Variants in ADK observed in about 807,000 individuals in gnomAD.
ADK encodes the protein adenosine kinase.
ADK carries 24 observed loss-of-function variants against 44.7 expected under a neutral mutation model. That is an observed-to-expected ratio of 0.54 (90% CI 0.39 to 0.76). The LOEUF is 0.76. Among genes scored for constraint, ADK ranks in the 30% least tolerant of loss-of-function variants. The pLI is 0.00. For missense variants in ADK, 321 were observed against 425.1 expected, an observed-to-expected ratio of 0.76 and a Z score of 2.15; for synonymous variants, 128 against 142.6, an observed-to-expected ratio of 0.90 and a Z score of 0.73.
chr10:74,383,316 T>C (rs900615490), intron 4 of ADK, among the ~76,000 whole-genome samples: 2 of 152,100 alleles, frequency 1.3e-5, no homozygotes, highest in African/African-American at 4.8e-5. Context: ...AGTAAGAGAT[T>C]ATAAGCATTT....
intron 9 of ADK, among the ~76,000 whole-genome samples, chr10:74,666,342 C>G (rs529991826): frequency 6.6e-6 from 1 of 152,216 alleles, no homozygotes; most frequent in Non-Finnish European, 1.5e-5. Flanking sequence ...CAAGTCTTAT[C>G]TAATAAATGA....
At chr10:74,566,325 GC>G (rs1850667877) in intron 7 of ADK, among the ~76,000 whole-genome samples, 1 of 147,622 alleles carries the variant, frequency 6.8e-6, no homozygotes, top group African/African-American at 2.5e-5. Flanking sequence ...TCCCACCTCA[GC>G]CTCCTGAGTA....
chr10:74,172,027 G>C (rs1224340424), intron 1 of ADK, among the ~76,000 whole-genome samples: 2 of 151,592 alleles, frequency 1.3e-5, no homozygotes, highest in African/African-American at 4.8e-5. Context: ...TTTTGTGTTT[G>C]TAACTGCTGA....
At chr10:74,260,052 T>C (rs1301738795) in intron 3 of ADK, among the ~76,000 whole-genome samples, 2 of 151,504 alleles carry the variant, frequency 1.3e-5, no homozygotes, top group Non-Finnish European at 2.9e-5. Context: ...GCTTTGGCCA[T>C]TTAAAAAAAA....
intron 6 of ADK, among the ~76,000 whole-genome samples, chr10:74,422,710 AC>A (rs1297107328): frequency 6.6e-6 from 1 of 152,246 alleles, no homozygotes; most frequent in Non-Finnish European, 1.5e-5. Flanking sequence ...AAGAAAACAT[AC>A]AATATAAAAT....
chr10:74,405,713 G>A lies in ADK; in HGVS notation c.555+7134G>A, dbSNP rs75320032. ...CATCCTGAAACCACGCCTCCTACCC[G>A]TCCGTGGAAAAATTGTCTTCCACAA... On this transcript the variant is annotated intron_variant, in intron 6 of 10. Transcript: ENST00000539909. 5.2e-3 allele frequency among the ~76,000 whole-genome samples: 789 copies of A among 152,122 alleles called. 12 individuals are homozygous for A. The highest frequency in any genetic ancestry group is 0.018 in the African/African-American group (727 of 41,512).
chr10:74,256,186 G>A (rs1230307284), intron 3 of ADK, among the ~76,000 whole-genome samples: 1 of 152,212 alleles, frequency 6.6e-6, no homozygotes, highest in African/African-American at 2.4e-5. Flanking sequence ...CTCCCTTGGA[G>A]CATTTTGTAA....
chr10:74,331,883 C>T (rs4506580), intron 4 of ADK, among the ~76,000 whole-genome samples: 1,533 of 152,202 alleles, frequency 0.01, 91 homozygotes, highest in Admixed American at 0.09. Flanking sequence ...GACAAAGTCA[C>T]GCTTTGTCAC....
chr10:74,617,068 T>G (rs1383584397), intron 9 of ADK, among the ~76,000 whole-genome samples: 1 of 152,204 alleles, frequency 6.6e-6, no homozygotes, highest in Non-Finnish European at 1.5e-5. Context: ...CAATAACATA[T>G]CAGATAATTA....
At chr10:74,656,966 C>T (rs1232064939) in intron 9 of ADK, among the ~76,000 whole-genome samples, 1 of 151,982 alleles carries the variant, frequency 6.6e-6, no homozygotes, top group African/African-American at 2.4e-5. Context: ...CTCAAAGGAT[C>T]CTCCTGCCTC....
At chr10:74,221,478 T>G (rs1406205941) in intron 2 of ADK, among the ~76,000 whole-genome samples, 1 of 152,166 alleles carries the variant, frequency 6.6e-6, no homozygotes, top group Non-Finnish European at 1.5e-5. Context: ...GCCATCCCCA[T>G]CAAGCTACCA....
chr10:74,178,868 A>G (rs1292686773), intron 1 of ADK, among the ~76,000 whole-genome samples: 1 of 152,220 alleles, frequency 6.6e-6, no homozygotes, highest in Non-Finnish European at 1.5e-5. Flanking sequence ...AACTGAGACA[A>G]AAGTTGAGTG....
chr10:74,302,128 T>TTTTTTTTTTTTTTTTTTTTTTTG (rs1840076027), intron 3 of ADK, among the ~76,000 whole-genome samples: 1 of 89,388 alleles, frequency 1.1e-5, no homozygotes, highest in Non-Finnish European at 2.2e-5. Flanking sequence ...TTTTTTTTTT[T>TTTTTTTTTTTTTTTTTTTTTTTG]TTTTTTTTTT....
chr10:74,236,301 A>G (rs1267103811), intron 3 of ADK, among the ~76,000 whole-genome samples: 1 of 152,194 alleles, frequency 6.6e-6, no homozygotes, highest in East Asian at 1.9e-4. Flanking sequence ...ACTGAAGTAC[A>G]TATGCTCTTT....
chr10:74,200,902 C>T, intron 2 of ADK, 64 bp downstream of exon 2: 1 of 1,136,014 alleles, frequency 8.8e-7, no homozygotes, highest in Non-Finnish European at 1.3e-6. Context: ...TGGATGAAAA[C>T]TTTAGAAGTG....
chr10:74,245,670 A>C (rs1340332691), intron 3 of ADK, among the ~76,000 whole-genome samples: 2 of 151,024 alleles, frequency 1.3e-5, no homozygotes, highest in Non-Finnish European at 2.9e-5. Flanking sequence ...AGCTCACTGC[A>C]ATGTCTGCCT....
chr10:74,372,500 A>C, intron 4 of ADK: 1 of 410,340 alleles, frequency 2.4e-6, no homozygotes, highest in Non-Finnish European at 4.5e-6. Context: ...AAAGTAATGC[A>C]TTCAGCAAGG....
At chr10:74,559,735 T>C (rs1850386867) in intron 7 of ADK, among the ~76,000 whole-genome samples, 1 of 152,224 alleles carries the variant, frequency 6.6e-6, no homozygotes. Context: ...GAGGTAATGT[T>C]GTAATTCTAT....
chr10:74,543,308 A>G (rs753563581), intron 7 of ADK, among the ~76,000 whole-genome samples: 1 of 150,442 alleles, frequency 6.6e-6, no homozygotes, highest in Non-Finnish European at 1.5e-5. Context: ...TTCTGCCTTG[A>G]CCTCCCAAAG....
Sources: gnomAD v4.1 joint callset for allele counts (sites outside exome capture counted in the v4.1 genomes callset) on GRCh38, gnomAD v4.1.1 for gene constraint, MANE v1.5 for transcripts, NCBI Gene and HGNC (gene_info 2026-07-23, HGNC 2026-07-21) for gene names.